Variants in PPARA observed in about 807,000 individuals in gnomAD.
PPARA encodes peroxisome proliferator-activated receptor alpha.
A neutral mutation model predicts 42.2 loss-of-function variants in PPARA; 22 were observed. The observed-to-expected ratio is 0.52, with a 90% CI of 0.37 to 0.74. PPARA has a LOEUF of 0.74. Among genes scored for constraint, PPARA ranks in the 30% least tolerant of loss-of-function variants. The pLI is 0.00. For missense variants in PPARA, 465 were observed against 608.2 expected (o/e 0.76, Z 2.48); for synonymous variants, 242 against 239.3 (o/e 1.01, Z -0.10).
At chr22:46,214,912 T>C (rs1934325093) in intron 4 of PPARA, among the ~76,000 whole-genome samples, 1 of 151,878 alleles carries the variant, frequency 6.6e-6, no homozygotes, top group South Asian at 2.1e-4. Flanking sequence ...ATGTGTGATC[T>C]GAGGTGTGTG....
chr22:46,195,249 T>TA lies in PPARA; in HGVS notation c.-42-3092dup, dbSNP rs1244988181. ...GGATGAACCTCATGGTTAATACAGT[T>TA]AGTTAGTGACTGCAACTTTTGAACT... is the stretch of plus-strand genomic sequence containing the variant. On this transcript the variant is annotated intron_variant, in intron 3 of 8. Transcript: ENST00000407236. The surrounding 1 kb of genome is among the most constrained non-coding windows in gnomAD (Gnocchi z 4.6). 6.6e-6 allele frequency among the ~76,000 whole-genome samples: 1 copy of TA among 152,178 alleles called. No homozygotes were observed. The highest frequency in any genetic ancestry group is 1.5e-5 in the Non-Finnish European group (1 of 68,030).
intron 4 of PPARA, among the ~76,000 whole-genome samples, chr22:46,208,547 CAAAAA>C (rs61164866): frequency 9.5e-6 from 1 of 105,658 alleles, no homozygotes; most frequent in Non-Finnish European, 1.9e-5. Context: ...GACTCCATCT[CAAAAA>C]AAAAAAAAAA....
At position 46,173,297 on chromosome 22, in the gene PPARA, A is replaced by G. The variant is rs1472345591; in HGVS notation, c.-126-3456A>G. Among the ~76,000 whole-genome samples, 2 of 152,246 alleles carry G rather than the reference A, an allele frequency of 1.3e-5. No homozygotes were observed. Among genetic ancestry groups the G allele is most frequent in the Non-Finnish European group, 2.9e-5 (2 of 68,038 alleles). ...TAGGAATGTAGCTCTGGGAACCTCT[A>G]GTTCCAAATAAGAAAGCCTTGGACA... On this transcript the variant is annotated intron_variant, in intron 2 of 8. Coordinates refer to ENST00000407236, the MANE Select transcript of PPARA (RefSeq NM_005036.6). The surrounding 1 kb of genome is among the most constrained non-coding windows in gnomAD (Gnocchi z 4.3).
rs1024853936 is a variant in PPARA, at chr22:46,150,649, C to T, written c.-213C>T. The T allele has an allele frequency of 1.1e-4, 15 of 141,678 alleles. No homozygotes were observed. Among genetic ancestry groups the T allele is most frequent in the African/African-American group, 3.8e-4 (15 of 39,514 alleles). The allele number at this position is 141,678 out of a possible 1,614,324, so 8.8% of individuals were successfully genotyped here. A position where few individuals can be genotyped will look rare whatever the true frequency, so the allele number is the denominator to read the frequency against. On this transcript the variant is annotated 5_prime_UTR_variant, in exon 1 of 9. Transcript: ENST00000407236. The surrounding 1 kb of genome is among the most constrained non-coding windows in gnomAD (Gnocchi z 7.5). ...GGACCGGCAGGCGGCGGACCGCGGC[C>T]CAGGTGCCCGGGGGCGGGCGGGCGG...
In PPARA at chr22:46,195,313, C is replaced by T. The variant is rs1379481870; in HGVS notation, c.-42-3029C>T. ...GAAAAATATTTTAAGTAATGCTTAC[C>T]CCATTATGTTTCTTGTCATTTGAAA... On this transcript the variant is annotated intron_variant, in intron 3 of 8. Coordinates refer to ENST00000407236, the MANE Select transcript of PPARA (RefSeq NM_005036.6). The surrounding 1 kb of genome is among the most constrained non-coding windows in gnomAD (Gnocchi z 4.6). Among the ~76,000 whole-genome samples the T allele has an allele frequency of 1.3e-5, 2 of 152,034 alleles. No homozygotes were observed. Among genetic ancestry groups the T allele is most frequent in the Non-Finnish European group, 2.9e-5 (2 of 68,000 alleles).
In PPARA at chr22:46,242,570, T is replaced by A. The variant is rs186133808; in HGVS notation, c.*7190T>A. On this transcript the variant is annotated 3_prime_UTR_variant, in exon 9 of 9. Transcript: ENST00000407236. This position sits in a 1 kb window ranked among gnomAD's most constrained non-coding sequence, Gnocchi z 6.1. Reference sequence around the variant, plus strand: ...TTTGAAAAATATCCTAATACAAATATTTTACTAACTTACAATCACTCATTT... The same window carrying A: ...TTTGAAAAATATCCTAATACAAATAATTTACTAACTTACAATCACTCATTT... The A allele has an allele frequency of 4.3e-3, 655 of 152,740 alleles. 4 individuals carry two copies. Among genetic ancestry groups the A allele is most frequent in the Non-Finnish European group, 6.9e-3 (470 of 68,030 alleles). The allele number at this position is 152,740 out of a possible 1,614,324, so 9.5% of individuals were successfully genotyped here. A position where few individuals can be genotyped will look rare whatever the true frequency, so the allele number is the denominator to read the frequency against.
intron 4 of PPARA, among the ~76,000 whole-genome samples, chr22:46,205,590 A>G (rs1273846201): frequency 1.7e-5 from 1 of 58,324 alleles, no homozygotes; most frequent in African/African-American, 6.2e-5. Flanking sequence ...TTTTTGAGAC[A>G]GAGTCTCACT....
chr22:46,232,074 G>A lies in PPARA; in HGVS notation c.994G>A (p.Val332Ile). ...TGTGATGAACAAAGACGGGATGCTG[G>A]TAGCGTATGGAAATGGGTTTATAAC... ...SSVMNKDGML[V>I]AYGNGFITRE... The change falls in exon 8 of 9, where the codon GTA (valine) becomes ATA (isoleucine). Residue 332 changes from valine to isoleucine, a missense_variant. By Grantham distance (29) the Val-to-Ile change is conservative. Coordinates refer to ENST00000407236, the MANE Select transcript of PPARA (RefSeq NM_005036.6). This position sits in a 1 kb window ranked among gnomAD's most constrained non-coding sequence, Gnocchi z 5.3. 1 of 1,614,242 alleles carries A rather than the reference G, an allele frequency of 6.2e-7. No individual in the cohort carries two copies. The highest frequency in any genetic ancestry group is 8.5e-7 in the Non-Finnish European group (1 of 1,180,052).
In PPARA at chr22:46,188,336, T is replaced by A. The variant is rs1033458347; in HGVS notation, c.-42-10006T>A. Among the ~76,000 whole-genome samples the A allele has an allele frequency of 6.6e-6, 1 of 152,256 alleles. No homozygotes were observed. Among genetic ancestry groups the A allele is most frequent in the East Asian group, 1.9e-4 (1 of 5,204 alleles). On this transcript the variant is annotated intron_variant, in intron 3 of 8. Coordinates refer to ENST00000407236, the MANE Select transcript of PPARA (RefSeq NM_005036.6). This position sits in a 1 kb window ranked among gnomAD's most constrained non-coding sequence, Gnocchi z 5.0. ...TGATGTTTTGGGCCATATATGCAGA[T>A]ATGCTGTTCCCTTTTCCTTGAAATG...
At position 46,182,723 on chromosome 22, in the gene PPARA, T is replaced by C. The variant is rs1930140736; in HGVS notation, c.-43+5887T>C. ...TTATTGTATGCCAGTTACATGTCCA[T>C]AAAGCTTTCTTTTGTTGTTTTGTTT... On this transcript the variant is annotated intron_variant, in intron 3 of 8. Transcript: ENST00000407236. The surrounding 1 kb of genome is among the most constrained non-coding windows in gnomAD (Gnocchi z 5.2). Among the ~76,000 whole-genome samples, 1 of 152,162 alleles carries C rather than the reference T, an allele frequency of 6.6e-6. No individual in the cohort carries two copies. Among genetic ancestry groups the C allele is most frequent in the Non-Finnish European group, 1.5e-5 (1 of 68,016 alleles).
intron 4 of PPARA, among the ~76,000 whole-genome samples, chr22:46,210,634 G>A (rs1933839520): frequency 6.6e-6 from 1 of 151,894 alleles, no homozygotes; most frequent in African/African-American, 2.4e-5. Flanking sequence ...AGCAGAGACG[G>A]GGTTTCACCA....
chr22:46,239,974 TG>T lies in PPARA; in HGVS notation c.*4595del, dbSNP rs1485171475. The T allele has an allele frequency of 5.1e-6, 2 of 393,772 alleles. No individual in the cohort carries two copies. The highest frequency in any genetic ancestry group is 8.9e-6 in the Non-Finnish European group (2 of 223,682). The allele number at this position is 393,772 out of a possible 1,614,324, so 24.4% of individuals were successfully genotyped here. On this transcript the variant is annotated 3_prime_UTR_variant, in exon 9 of 9. Coordinates refer to ENST00000407236, the MANE Select transcript of PPARA (RefSeq NM_005036.6). Reference sequence around the variant, plus strand: ...CACACCTGTCTTTGAAATGTCTCACTGAACTCCAGTTTTAAAATAGATTCAT... The same window carrying T: ...CACACCTGTCTTTGAAATGTCTCACTAACTCCAGTTTTAAAATAGATTCAT...
Position 46,235,596 on chromosome 22 carries a change from A to T in PPARA, c.*216A>T, listed in dbSNP as rs1936164618. On this transcript the variant is annotated 3_prime_UTR_variant, in exon 9 of 9. Transcript: ENST00000407236. This position sits in a 1 kb window ranked among gnomAD's most constrained non-coding sequence, Gnocchi z 7.0. Reference sequence around the variant, plus strand: ...CTCAAATGCTGGGGGTAGGTGGCTAATCTCAGGACTGGGAAGATTACGGCG... The same window carrying T: ...CTCAAATGCTGGGGGTAGGTGGCTATTCTCAGGACTGGGAAGATTACGGCG... 4.9e-6 allele frequency: 3 copies of T among 615,400 alleles called. No homozygotes were observed. Among genetic ancestry groups the T allele is most frequent in the Non-Finnish European group, 8.4e-6 (3 of 356,408 alleles). The allele number at this position is 615,400 out of a possible 1,614,324, so 38.1% of individuals were successfully genotyped here. A position where few individuals can be genotyped will look rare whatever the true frequency, so the allele number is the denominator to read the frequency against.
In PPARA at chr22:46,198,441, G is replaced by C. The variant is rs1476782857; in HGVS notation, c.58G>C (p.Glu20Gln). The C allele has an allele frequency of 1.2e-6, 2 of 1,613,728 alleles. No homozygotes were observed. The highest frequency in any genetic ancestry group is 8.5e-7 in the Non-Finnish European group (1 of 1,179,958). Reference sequence around the variant, plus strand: ...CTCCCCACTCGAGGCCGGCGATCTAGAGAGCCCGTTATCTGAAGAGTTCCT... The same window carrying C: ...CTCCCCACTCGAGGCCGGCGATCTACAGAGCCCGTTATCTGAAGAGTTCCT... The part of the protein sequence containing the change: ...PLSPLEAGDL[E>Q]SPLSEEFLQE... The change falls in exon 4 of 9, where the codon GAG becomes CAG. Residue 20 changes from glutamate (E) to glutamine (Q), a missense_variant. By Grantham distance (29) the Glu-to-Gln change is conservative (BLOSUM62 2). Coordinates refer to ENST00000407236, the MANE Select transcript of PPARA (RefSeq NM_005036.6).
intron 2 of PPARA, among the ~76,000 whole-genome samples, chr22:46,172,670 C>T (rs1928284352): frequency 6.6e-6 from 1 of 152,152 alleles, no homozygotes; most frequent in Non-Finnish European, 1.5e-5. Context: ...CCAGACTGTC[C>T]AAACAGCCAT....
In PPARA at chr22:46,196,161, G is replaced by A. The variant is rs996784531; in HGVS notation, c.-42-2181G>A. On this transcript the variant is annotated intron_variant, in intron 3 of 8. Transcript: ENST00000407236. This position sits in a 1 kb window ranked among gnomAD's most constrained non-coding sequence, Gnocchi z 5.6. The stretch of plus-strand genomic sequence containing the variant: ...CTTCAATCTGGAGGTCTCAGGAAGT[G>A]GTTTAGGATGTTTCAGCGAGAGCAT... 2.6e-5 allele frequency among the ~76,000 whole-genome samples: 4 copies of A among 152,186 alleles called. No individual in the cohort carries two copies. Among genetic ancestry groups the A allele is most frequent in the African/African-American group, 9.7e-5 (4 of 41,440 alleles).
At position 46,183,792 on chromosome 22, in the gene PPARA, C is replaced by A. The variant is rs192351974; in HGVS notation, c.-43+6956C>A. Among the ~76,000 whole-genome samples the A allele has an allele frequency of 2.0e-4, 30 of 152,186 alleles. 1 individual carries two copies. The South Asian group carries it at 5.8e-3, about 29-fold the overall frequency. ...AAGCTAAATTATCAAATGTCTAGAT[C>A]GTTGATGGTTGGAAGTAAAGTTGAG... is the stretch of plus-strand genomic sequence containing the variant. On this transcript the variant is annotated intron_variant, in intron 3 of 8. Coordinates refer to ENST00000407236, the MANE Select transcript of PPARA (RefSeq NM_005036.6). The surrounding 1 kb of genome is among the most constrained non-coding windows in gnomAD (Gnocchi z 5.5).
At position 46,219,681 on chromosome 22, in the gene PPARA, T is replaced by A; in HGVS notation, c.509-131T>A. 1.2e-6 allele frequency: 1 copy of A among 864,908 alleles called. No individual in the cohort carries two copies. The highest frequency in any genetic ancestry group is 2.2e-4 in the Middle Eastern group (1 of 4,572). The allele number at this position is 864,908 out of a possible 1,614,324, so 53.6% of individuals were successfully genotyped here. On this transcript the variant is annotated intron_variant, in intron 6 of 8. Transcript: ENST00000407236. The surrounding 1 kb of genome is among the most constrained non-coding windows in gnomAD (Gnocchi z 4.8). ...TCCATAGTGGAAAGCCGAATAGTAA[T>A]GAAGGATGGGTCTGAACTGCCTGTG...
chr22:46,210,098 T>C (rs1601756413), intron 4 of PPARA, among the ~76,000 whole-genome samples: 1 of 151,928 alleles, frequency 6.6e-6, no homozygotes, highest in Middle Eastern at 3.4e-3. Context: ...TAATCTGAGG[T>C]CGGGAGTTCG....
Sources: gnomAD v4.1 joint callset for allele counts (sites outside exome capture counted in the v4.1 genomes callset) on GRCh38, gnomAD v4.1.1 for gene constraint, Gnocchi (gnomAD v3.1) non-coding constraint, MANE v1.5 for transcripts, NCBI Gene and HGNC (gene_info 2026-07-23, HGNC 2026-07-21) for gene names.